OCIAD1: variants seen among roughly 807,000 people sequenced by gnomAD.
OCIAD1 encodes OCIA domain containing 1.
OCIAD1 carries 29 observed loss-of-function variants against 38.9 expected under a neutral mutation model. The ratio of observed to expected loss-of-function variants is 0.74; its 90% CI spans 0.55 to 1.02. The LOEUF (loss-of-function observed/expected upper bound fraction) is 1.02, where lower values mean the gene tolerates loss of function less well. Ranked by LOEUF, OCIAD1 falls within the 50% of genes least tolerant of loss-of-function variation. The pLI, the probability that OCIAD1 is intolerant of heterozygous loss-of-function variation, is 0.00. For synonymous variants in OCIAD1, 110 were observed against 92.0 expected, an observed-to-expected ratio of 1.20 and a Z score of -1.12; for missense variants, 288 against 289.6, an observed-to-expected ratio of 0.99 and a Z score of 0.04.
chr4:48,846,461 G>C (rs1449218890), intron 4 of OCIAD1, among the ~76,000 whole-genome samples: 1 of 152,134 alleles, frequency 6.6e-6, no homozygotes, highest in Non-Finnish European at 1.5e-5. Flanking sequence ...TAAAGTGTTG[G>C]TAGTTGGCCG....
At chr4:48,860,310 ATT>A (rs201518150) in intron 8 of OCIAD1, 13 of 137,934 alleles carry the variant, frequency 9.4e-5, no homozygotes, top group East Asian at 2.1e-4. Context: ...ATTTCCCACT[ATT>A]TTTTTTTTTT....
At chr4:48,844,812 T>C (rs1413991789) in intron 4 of OCIAD1, among the ~76,000 whole-genome samples, 3 of 152,216 alleles carry the variant, frequency 2.0e-5, no homozygotes, top group African/African-American at 7.2e-5. Context: ...TAGTAAAGTT[T>C]ACGTGCATAT....
chr4:48,831,442 G>C (rs1307954604), intron 1 of OCIAD1, 193 bp downstream of exon 1: 13 of 1,247,812 alleles, frequency 1.0e-5, no homozygotes, highest in African/African-American at 1.5e-5. Context: ...GTGTGAGCTG[G>C]GGAAGTTCGT....
intron 3 of OCIAD1, among the ~76,000 whole-genome samples, chr4:48,835,803 A>G (rs1335726758): frequency 6.6e-6 from 1 of 152,192 alleles, no homozygotes; most frequent in Admixed American, 6.5e-5. Context: ...CCTTGGCAAC[A>G]TAGTGAGACC....
chr4:48,816,005 G>A (rs1777138742), intron 1 of OCIAD1, among the ~76,000 whole-genome samples: 1 of 151,564 alleles, frequency 6.6e-6, no homozygotes, highest in African/African-American at 2.4e-5. Context: ...CAATTCCATT[G>A]CCAATAATTT....
intron 3 of OCIAD1, among the ~76,000 whole-genome samples, chr4:48,835,048 C>A (rs1417394217): frequency 2.0e-5 from 3 of 152,214 alleles, no homozygotes; most frequent in African/African-American, 7.2e-5. Flanking sequence ...ATTCTCCTGC[C>A]ACAGTGTCCT....
At chr4:48,831,417 G>A (rs1237321599) in intron 1 of OCIAD1, 168 bp downstream of exon 1, 3 of 1,095,020 alleles carry the variant, frequency 2.7e-6, no homozygotes, top group Non-Finnish European at 3.7e-6. Flanking sequence ...GGGAGGCGAC[G>A]GAGTGCTTCT....
At chr4:48,842,840 G>A (rs969818721) in intron 4 of OCIAD1, 151 bp downstream of exon 4, 3 of 534,796 alleles carry the variant, frequency 5.6e-6, no homozygotes, top group Admixed American at 4.1e-5. Flanking sequence ...TTTTATCTCT[G>A]TGGACCCACT....
chr4:48,844,555 G>C (rs1778815593), intron 4 of OCIAD1, among the ~76,000 whole-genome samples: 1 of 152,130 alleles, frequency 6.6e-6, no homozygotes, highest in African/African-American at 2.4e-5. Flanking sequence ...GGCGGAGGCT[G>C]CAGTGAGCTG....
chr4:48,841,399 C>T (rs1307296001), intron 3 of OCIAD1, among the ~76,000 whole-genome samples: 5 of 152,164 alleles, frequency 3.3e-5, no homozygotes, highest in Non-Finnish European at 7.4e-5. Flanking sequence ...TGAAGTCCGG[C>T]GGAAACCAGG....
upstream of OCIAD1, among the ~76,000 whole-genome samples, chr4:48,827,926 C>T (rs780153638): frequency 2.7e-4 from 41 of 151,996 alleles, no homozygotes; most frequent in Non-Finnish European, 4.3e-4. Context: ...GTGTCTAGCT[C>T]GGGGTTTGTA....
upstream of OCIAD1, chr4:48,830,871 C>A (rs1246210186): frequency 1.9e-5 from 3 of 154,766 alleles, no homozygotes; most frequent in East Asian, 1.9e-4. Flanking sequence ...TCCCAACCCC[C>A]TTCCCCGCCA....
At chr4:48,839,453 A>T (rs1444213428) in intron 3 of OCIAD1, among the ~76,000 whole-genome samples, 1 of 150,840 alleles carries the variant, frequency 6.6e-6, no homozygotes, top group Non-Finnish European at 1.5e-5. Context: ...AAAAAAAAAG[A>T]GTATGGACTC....
At chr4:48,847,873 G>A (rs1332954034) in intron 4 of OCIAD1, among the ~76,000 whole-genome samples, 8 of 152,106 alleles carry the variant, frequency 5.3e-5, no homozygotes, top group Non-Finnish European at 1.2e-4. Flanking sequence ...CTTAGAATAA[G>A]CTTTTCAATT....
rs1267323570 is a variant in OCIAD1, at chr4:48,833,409, C to T, written c.67C>T (p.Pro23Ser). 8.2e-6 allele frequency: 13 copies of T among 1,586,684 alleles called. No homozygotes were observed. The South Asian group carries it at 1.4e-4, about 18-fold the overall frequency. The stretch of plus-strand genomic sequence containing the variant: ...TTTTCCCTGGTAAAAAGACATAGGG[C>T]CTGATTACATTCCAACAGAGGAAGA... Reference protein sequence around the residue: ...EVPRPIPHIGPDYIPTEEERR... With the variant: ...EVPRPIPHIGSDYIPTEEERR... Residue 23 changes from proline to serine, a missense_variant, in exon 3 of 9, where the codon CCT becomes TCT. By Grantham distance (74) the Pro-to-Ser change is moderately conservative (BLOSUM62 -1). Transcript: ENST00000264312.
chr4:48,806,551 C>T lies in OCIAD1; in HGVS notation c.-103+1221C>T, dbSNP rs985121506. ...TACACAGAATAAGATTGATTTGGCT[C>T]ATCACACTGTGGTTGATAGCACAGA... On this transcript the variant is annotated intron_variant, in intron 1 of 6. Transcript: ENST00000504654. 3.3e-5 allele frequency among the ~76,000 whole-genome samples: 5 copies of T among 152,288 alleles called. No individual in the cohort carries two copies. In the South Asian group the frequency reaches 6.2e-4, roughly 19 times the overall value.
At chr4:48,845,048 G>C (rs1373133818) in intron 4 of OCIAD1, among the ~76,000 whole-genome samples, 1 of 151,908 alleles carries the variant, frequency 6.6e-6, no homozygotes, top group Non-Finnish European at 1.5e-5. Flanking sequence ...TTCATCCACA[G>C]TGTGTCATAC....
intron 4 of OCIAD1, among the ~76,000 whole-genome samples, chr4:48,845,824 T>C (rs1778930876): frequency 6.6e-6 from 1 of 152,240 alleles, no homozygotes; most frequent in Admixed American, 6.5e-5. Context: ...TTTTAGCTCT[T>C]AAATGTCTTT....
At chr4:48,823,391 T>TG (rs1464301476) in intron 1 of OCIAD1, among the ~76,000 whole-genome samples, 3 of 142,322 alleles carry the variant, frequency 2.1e-5, no homozygotes, top group Admixed American at 7.1e-5. Context: ...GACCTGTTGG[T>TG]GGGGGGGTAG....
Sources: gnomAD v4.1 joint callset for allele counts (sites outside exome capture counted in the v4.1 genomes callset) on GRCh38, gnomAD v4.1.1 for gene constraint, MANE v1.5 for transcripts, NCBI Gene and HGNC (gene_info 2026-07-23, HGNC 2026-07-21) for gene names.